Variants in ZNF536 observed in about 807,000 individuals in gnomAD.
ZNF536 encodes the protein zinc finger protein 536.
In ZNF536, 13 loss-of-function variants were observed where a neutral mutation model predicts 84.5. That is an observed-to-expected ratio of 0.15 (90% CI 0.10 to 0.24). ZNF536 has a LOEUF of 0.24. ZNF536 is among the 10% of genes least tolerant of loss of function. The pLI, the probability that ZNF536 is intolerant of heterozygous loss-of-function variation, is 1.00. For synonymous variants in ZNF536, 811 were observed against 742.5 expected (o/e 1.09, Z -1.50); for missense variants, 1,536 against 1,747.5 (o/e 0.88, Z 2.16).
intron 1 of ZNF536, among the ~76,000 whole-genome samples, chr19:30,278,986 A>G (rs1393051457): frequency 6.6e-6 from 1 of 152,044 alleles, no homozygotes; most frequent in African/African-American, 2.4e-5. Context: ...CCCACTCACT[A>G]TCCATACCCA....
intron 1 of ZNF536, among the ~76,000 whole-genome samples, chr19:30,664,204 TTCTCTCTCTCTCTCTCTCTC>T (rs71173915): frequency 0.084 from 7,587 of 90,664 alleles, 219 homozygotes; most frequent in African/African-American, 0.093. Flanking sequence ...TTGCTGAGTT[TTCTCTCTCTCTCTCTCTCTC>T]TCTCTCTCTC....
intron 3 of ZNF536, among the ~76,000 whole-genome samples, chr19:30,537,291 G>A (rs1447523916): frequency 6.6e-6 from 1 of 152,200 alleles, no homozygotes. Context: ...CCAGATTGGA[G>A]CCAGGGTTGT....
At chr19:30,598,330 C>G (rs73539169) in intron 1 of ZNF536, among the ~76,000 whole-genome samples, 2,656 of 152,256 alleles carry the variant, frequency 0.017, 84 homozygotes, top group African/African-American at 0.061. Context: ...TCTTCCCTAA[C>G]TTACCTTTAC....
At chr19:30,338,726 T>G (rs1353599247) in intron 2 of ZNF536, among the ~76,000 whole-genome samples, 1 of 152,186 alleles carries the variant, frequency 6.6e-6, no homozygotes, top group Non-Finnish European at 1.5e-5. Context: ...GATTTGAACT[T>G]GGACCCCACC....
At chr19:30,358,233 C>T (rs4805554) in intron 3 of ZNF536, among the ~76,000 whole-genome samples, 112,133 of 152,040 alleles carry the variant, frequency 0.74, 42,193 homozygotes, top group Non-Finnish European at 0.81. Context: ...GTGAGAAGGC[C>T]GGGGCTCAGA....
At chr19:30,537,052 C>T (rs142720057) in intron 3 of ZNF536, among the ~76,000 whole-genome samples, 1 of 152,300 alleles carries the variant, frequency 6.6e-6, no homozygotes, top group African/African-American at 2.4e-5. Context: ...ATTTGTATTT[C>T]GTTGTTGTTT....
intron 1 of ZNF536, among the ~76,000 whole-genome samples, chr19:30,256,678 C>T (rs1410960242): frequency 1.3e-5 from 2 of 152,046 alleles, no homozygotes; most frequent in African/African-American, 2.4e-5. Context: ...TCTCTGAAGC[C>T]GGGCCTCTGG....
At chr19:30,282,412 AC>A (rs1423978589) in intron 1 of ZNF536, among the ~76,000 whole-genome samples, 1 of 129,968 alleles carries the variant, frequency 7.7e-6, no homozygotes, top group Non-Finnish European at 1.9e-5. Flanking sequence ...CCCGGTGCCA[AC>A]TGCAGGAGAC....
chr19:30,555,928 G>A (rs914638113), intron 4 of ZNF536: 2 of 152,196 alleles, frequency 1.3e-5, no homozygotes, highest in African/African-American at 4.8e-5. Context: ...AAGGCAATTG[G>A]CTTGAGGGTG....
chr19:30,383,753 C>A (rs1220621727), intron 1 of ZNF536, among the ~76,000 whole-genome samples: 1 of 5,384 alleles, frequency 1.9e-4, no homozygotes. Context: ...CTCTTTCTTT[C>A]TTTCTCTTTC....
At chr19:30,596,196 T>C (rs1035718569) in intron 1 of ZNF536, among the ~76,000 whole-genome samples, 2 of 149,732 alleles carry the variant, frequency 1.3e-5, no homozygotes, top group African/African-American at 4.9e-5. Context: ...TATATTCCAC[T>C]GAATGACAGC....
chr19:30,543,536 C>CT (rs1326566724), intron 3 of ZNF536, among the ~76,000 whole-genome samples: 1 of 152,238 alleles, frequency 6.6e-6, no homozygotes, highest in Non-Finnish European at 1.5e-5. Flanking sequence ...TGGCATGGAT[C>CT]TGGCCATGTC....
At position 30,351,051 on chromosome 19, in the gene ZNF536, C is replaced by T. The variant is rs746967191; in HGVS notation, c.-119-1317C>T. On this transcript the variant is annotated intron_variant, in intron 2 of 5. Transcript: ENST00000585628. The stretch of plus-strand genomic sequence containing the variant: ...CTGAGAAGAAGTGGAAAAATAAAGA[C>T]GGGGAATAAAATGGCATCTGTGTGT... Among the ~76,000 whole-genome samples the T allele has an allele frequency of 8.5e-5, 13 of 152,250 alleles. 1 individual carries two copies. The East Asian group carries it at 1.3e-3, about 16-fold the overall frequency.
At chr19:30,572,839 A>G (rs2046599874) in intron 1 of ZNF536, among the ~76,000 whole-genome samples, 1 of 152,154 alleles carries the variant, frequency 6.6e-6, no homozygotes, top group Non-Finnish European at 1.5e-5. Context: ...GACATTGGAG[A>G]GAGACTAGAG....
At chr19:30,230,575 A>C (rs1279338834) in intron 1 of ZNF536, among the ~76,000 whole-genome samples, 1 of 152,192 alleles carries the variant, frequency 6.6e-6, no homozygotes, top group East Asian at 1.9e-4. Flanking sequence ...GTCAGAGGCC[A>C]ATAACCCCCA....
At chr19:30,397,794 A>C (rs1159069635) in intron 1 of ZNF536, among the ~76,000 whole-genome samples, 1 of 152,210 alleles carries the variant, frequency 6.6e-6, no homozygotes, top group Non-Finnish European at 1.5e-5. Context: ...AAAGACCCTC[A>C]TCCCTACAAG....
chr19:30,293,350 G>A (rs576093131), intron 2 of ZNF536, among the ~76,000 whole-genome samples: 113 of 152,196 alleles, frequency 7.4e-4, no homozygotes, highest in African/African-American at 2.6e-3. Flanking sequence ...TTTCTTCCAC[G>A]GGAGAAAAGT....
intron 1 of ZNF536, among the ~76,000 whole-genome samples, chr19:30,578,941 A>G (rs1004151287): frequency 1.3e-5 from 2 of 152,202 alleles, no homozygotes; most frequent in Non-Finnish European, 2.9e-5. Context: ...GCCCAGTTCT[A>G]CTGCTGGAGG....
At chr19:30,300,452 G>A (rs572905428) in intron 2 of ZNF536, 2 of 152,172 alleles carry the variant, frequency 1.3e-5, no homozygotes, top group African/African-American at 4.8e-5. Flanking sequence ...GTACAGACTG[G>A]GCACCTTCGG....
Sources: allele counts gnomAD v4.1 joint callset (sites outside exome capture counted in the v4.1 genomes callset), GRCh38; gene constraint gnomAD v4.1.1; transcripts MANE v1.5; gene names NCBI Gene and HGNC (gene_info 2026-07-23, HGNC 2026-07-21).